Variants in MAP4 observed in about 807,000 individuals in gnomAD.
The protein encoded by MAP4 is microtubule associated protein 4.
A neutral mutation model predicts 170.2 loss-of-function variants in MAP4; 76 were observed. The observed-to-expected ratio is 0.45, with a 90% CI of 0.37 to 0.54. The LOEUF (loss-of-function observed/expected upper bound fraction) is 0.54, where lower values mean the gene tolerates loss of function less well. Among genes scored for constraint, MAP4 ranks in the 20% least tolerant of loss-of-function variants. The pLI, the probability that MAP4 is intolerant of heterozygous loss-of-function variation, is 0.00. For missense variants in MAP4, 2,506 were observed against 2,748.0 expected, an observed-to-expected ratio of 0.91 and a Z score of 1.97; for synonymous variants, 909 against 994.5, an observed-to-expected ratio of 0.91 and a Z score of 1.62.
intron 1 of MAP4, among the ~76,000 whole-genome samples, chr3:48,047,919 T>C (rs2100125432): frequency 1.3e-5 from 2 of 152,202 alleles, no homozygotes; most frequent in African/African-American, 2.4e-5. Context: ...ACATTTGTGG[T>C]TCTCTATCAC....
At position 47,909,709 on chromosome 3, in the gene MAP4, G is replaced by A. The variant is rs757393948; in HGVS notation, c.4712C>T (p.Ala1571Val). The A allele has an allele frequency of 6.2e-7, 1 of 1,613,990 alleles. No homozygotes were observed. Among genetic ancestry groups the A allele is most frequent in the South Asian group, 1.1e-5 (1 of 91,086 alleles). Residue 1571 changes from alanine (A) to valine (V), a missense_variant, in exon 9 of 21, where the codon GCA becomes GTA. Physicochemically the swap from Ala to Val is moderately conservative, Grantham distance 64. This residue lies in a region of MAP4 where 2,008 missense variants were observed against 2,206.0 expected (regional missense o/e 0.91). Transcript: ENST00000683076. ...KHSVEKVTEL[A>V]KGHLLPGVPV... is the part of the protein sequence containing the mutation. ...CACTCCAGGAAGGAGGTGACCTTTTGCTAGCTCTGTGACTTTCTCTACTGA... is the reference window on the plus strand; with the variant it reads ...CACTCCAGGAAGGAGGTGACCTTTTACTAGCTCTGTGACTTTCTCTACTGA...
Position 48,056,238 on chromosome 3 carries a change from A to C in MAP4, c.-20+32535T>G, listed in dbSNP as rs1285533220. ...GGGGGGGTCAGCCCCCCGCCTGGCC[A>C]GCCGTGCCGTCCGGGAGGGAGGTGG... On this transcript the variant is annotated intron_variant, in intron 1 of 18. Coordinates refer to the MAP4 transcript ENST00000360240. Among the ~76,000 whole-genome samples the C allele has an allele frequency of 3.8e-3, 462 of 123,038 alleles. 2 individuals carry two copies. The highest frequency in any genetic ancestry group is 0.01 in the African/African-American group (344 of 34,374). 80.7% of individuals were successfully genotyped at this position (123,038 alleles called of 152,430 possible).
At chr3:48,018,636 C>T (rs964092740), upstream of MAP4, among the ~76,000 whole-genome samples, 1 of 151,944 alleles carries the variant, frequency 6.6e-6, no homozygotes, top group Non-Finnish European at 1.5e-5. Context: ...AAACCCCTCT[C>T]TACTAAAAAT....
chr3:48,067,801 G>C (rs985284652), intron 1 of MAP4, among the ~76,000 whole-genome samples: 1 of 151,894 alleles, frequency 6.6e-6, no homozygotes, highest in Non-Finnish European at 1.5e-5. Flanking sequence ...CACCATGGCC[G>C]GCTGATTTCT....
At chr3:47,894,323 C>T (rs1377059767) in intron 10 of MAP4, among the ~76,000 whole-genome samples, 1 of 152,228 alleles carries the variant, frequency 6.6e-6, no homozygotes, top group African/African-American at 2.4e-5. Context: ...TGGCTCACGC[C>T]TGTAATCCCA....
chr3:47,910,297 G>T lies in MAP4; in HGVS notation c.4124C>A (p.Ser1375Tyr), dbSNP rs1474077536. 7 of 1,588,460 alleles carry T rather than the reference G, an allele frequency of 4.4e-6. No individual in the cohort carries two copies. The highest frequency in any genetic ancestry group is 4.3e-6 in the Non-Finnish European group (5 of 1,172,406). The change falls in exon 9 of 21, where the codon TCT (serine) becomes TAT (tyrosine). Residue 1375 changes from serine to tyrosine, a missense_variant. By Grantham distance (144) the Ser-to-Tyr change is moderately radical. This residue lies in a region of MAP4 where 2,008 missense variants were observed against 2,206.0 expected (regional missense o/e 0.91). Transcript: ENST00000683076. ...ATTCTCCAGAATGTGCTTCTCAGGA[G>T]AACTATTTTTAACCTTTTTACTTTT... ...DGKSKKVKNS[S>Y]PEKHILENKI...
At chr3:48,053,910 G>A (rs2100129233) in intron 1 of MAP4, among the ~76,000 whole-genome samples, 1 of 152,058 alleles carries the variant, frequency 6.6e-6, no homozygotes, top group South Asian at 2.1e-4. Context: ...ATGTCTAGAA[G>A]AATATATATG....
In MAP4 at chr3:48,084,630, T is replaced by C. The variant is rs952990698; in HGVS notation, c.-20+4143A>G. 4.6e-5 allele frequency among the ~76,000 whole-genome samples: 7 copies of C among 151,160 alleles called. No individual in the cohort carries two copies. The East Asian group carries it at 1.4e-3, about 29-fold the overall frequency. ...TCTGGCTCTTTCAGCAAGGCTGAAG[T>C]GCAGTGGCACAATCATATCACTGGA... On this transcript the variant is annotated intron_variant, in intron 1 of 18. Coordinates refer to the MAP4 transcript ENST00000360240.
At chr3:47,933,506 T>C (rs2100051053) in intron 3 of MAP4, among the ~76,000 whole-genome samples, 1 of 151,814 alleles carries the variant, frequency 6.6e-6, no homozygotes, top group Non-Finnish European at 1.5e-5. Context: ...AGTACGATCA[T>C]AGCTCACTGC....
chr3:47,903,199 C>A (rs535595002), intron 9 of MAP4, among the ~76,000 whole-genome samples, 199 bp from the exon 10 acceptor site: 1 of 152,264 alleles, frequency 6.6e-6, no homozygotes, highest in South Asian at 2.1e-4. Context: ...ATCATCCTTT[C>A]AAGTTTGTGC....
chr3:47,863,119 G>C (rs933870214), intron 17 of MAP4, among the ~76,000 whole-genome samples: 1 of 152,126 alleles, frequency 6.6e-6, no homozygotes, highest in Non-Finnish European at 1.5e-5. Flanking sequence ...TGGGATTATA[G>C]GCATGCACCA....
In MAP4 at chr3:47,977,921, GA is replaced by G; in HGVS notation, c.235del (p.Ser79LeufsTer6). 1 of 1,611,340 alleles carries G rather than the reference GA, an allele frequency of 6.2e-7. No individual in the cohort carries two copies. The highest frequency in any genetic ancestry group is 8.5e-7 in the Non-Finnish European group (1 of 1,177,588). ...ACCATTGGCTAGGAGTGTTGGTTTA[GA>G]AGATGGAGTATCTGCAACAATGACA... ...ETSQIEDTPS[S>X]KPTLLANGGH... On this transcript the variant is annotated frameshift_variant, in exon 3 of 21. Transcript: ENST00000683076. LOFTEE classifies it high-confidence loss of function.
At chr3:47,854,095 AGTG>A (rs1377108435) in intron 19 of MAP4, among the ~76,000 whole-genome samples, 2 of 152,232 alleles carry the variant, frequency 1.3e-5, no homozygotes, top group African/African-American at 4.8e-5. Context: ...TAATCGGCAT[AGTG>A]AGAAATAGGC....
chr3:48,057,418 C>A (rs1182313488), intron 1 of MAP4, among the ~76,000 whole-genome samples: 1 of 131,952 alleles, frequency 7.6e-6, no homozygotes, highest in South Asian at 2.7e-4. Context: ...GCAGCATGCT[C>A]GTTAAGAGTC....
chr3:47,902,596 C>A (rs1171520504), intron 10 of MAP4, among the ~76,000 whole-genome samples: 1 of 148,294 alleles, frequency 6.7e-6, no homozygotes, highest in Non-Finnish European at 1.5e-5. Context: ...ACTGCTTGAA[C>A]CCAGGAGCCA....
intron 1 of MAP4, among the ~76,000 whole-genome samples, chr3:48,087,066 G>T (rs1579948521): frequency 6.6e-6 from 1 of 152,130 alleles, no homozygotes; most frequent in Non-Finnish European, 1.5e-5. Context: ...CTGGGAGATG[G>T]CAAGTGCTCA....
chr3:47,997,325 C>CAAAAAAAAAAA (rs1559754149), intron 2 of MAP4, among the ~76,000 whole-genome samples: 1 of 40,710 alleles, frequency 2.5e-5, no homozygotes, highest in African/African-American at 2.2e-4. Context: ...ATTTAAACTG[C>CAAAAAAAAAAA]TAAAAAAAAA....
intron 1 of MAP4, among the ~76,000 whole-genome samples, chr3:48,038,882 A>C (rs968856109): frequency 6.6e-6 from 1 of 152,156 alleles, no homozygotes; most frequent in Admixed American, 6.5e-5. Context: ...TAGGCAGATC[A>C]CACGAGCCCA....
intron 10 of MAP4, among the ~76,000 whole-genome samples, chr3:47,887,477 C>T (rs2097792658): frequency 6.6e-6 from 1 of 152,256 alleles, no homozygotes; most frequent in African/African-American, 2.4e-5. Context: ...CCCGCCATGC[C>T]TCAGCCTCCC....
Sources: gnomAD v4.1 joint callset for allele counts (sites outside exome capture counted in the v4.1 genomes callset) on GRCh38, gnomAD v4.1.1 for gene constraint, gnomAD v4.1.1 regional missense constraint, MANE v1.5 for transcripts, NCBI Gene and HGNC (gene_info 2026-07-23, HGNC 2026-07-21) for gene names.